CADPS: variants seen among roughly 807,000 people sequenced by gnomAD.
CADPS encodes calcium dependent secretion activator.
In CADPS, 57 loss-of-function variants were observed where a neutral mutation model predicts 167.3. The ratio of observed to expected loss-of-function variants is 0.34; its 90% confidence interval spans 0.28 to 0.42. The LOEUF (loss-of-function observed/expected upper bound fraction) is 0.42. Among genes scored for constraint, CADPS ranks in the 20% least tolerant of loss-of-function variants. The pLI is 1.00. For missense variants in CADPS, 1,414 were observed against 1,738.1 expected (o/e 0.81, Z 3.32); for synonymous variants, 676 against 635.3 (o/e 1.06, Z -0.96).
At chr3:62,546,981 TA>T (rs2076551655) in intron 11 of CADPS, among the ~76,000 whole-genome samples, 1 of 152,162 alleles carries the variant, frequency 6.6e-6, no homozygotes, top group Non-Finnish European at 1.5e-5. Flanking sequence ...CCATGGAATG[TA>T]AAATTCCTGG....
chr3:62,711,597 G>C (rs1453865129), intron 3 of CADPS, among the ~76,000 whole-genome samples: 2 of 152,212 alleles, frequency 1.3e-5, no homozygotes, highest in Non-Finnish European at 2.9e-5. Context: ...TGGCCAGCTT[G>C]GTGATTTTCC....
intron 3 of CADPS, among the ~76,000 whole-genome samples, chr3:62,688,917 G>C (rs2078579511): frequency 6.6e-6 from 1 of 151,904 alleles, no homozygotes; most frequent in Non-Finnish European, 1.5e-5. Context: ...ATGTGGGAAG[G>C]GAGGAAGAGG....
At chr3:62,541,227 T>C (rs1419924587) in intron 11 of CADPS, among the ~76,000 whole-genome samples, 1 of 152,150 alleles carries the variant, frequency 6.6e-6, no homozygotes, top group South Asian at 2.1e-4. Context: ...TAGGAAGTAG[T>C]TCCTAAGTCC....
At chr3:62,485,797 G>C (rs1264878454) in intron 21 of CADPS, among the ~76,000 whole-genome samples, 3 of 152,192 alleles carry the variant, frequency 2.0e-5, no homozygotes, top group African/African-American at 7.2e-5. Context: ...ATATGTGTCT[G>C]AATATGGACA....
chr3:62,781,141 G>C (rs982819006), intron 1 of CADPS, among the ~76,000 whole-genome samples: 1 of 152,154 alleles, frequency 6.6e-6, no homozygotes, highest in Non-Finnish European at 1.5e-5. Flanking sequence ...TCTGGGGTAA[G>C]AGGACACGTA....
At position 62,694,972 on chromosome 3, in the gene CADPS, G is replaced by A. The variant is rs6788343; in HGVS notation, c.889-32578C>T. Among the ~76,000 whole-genome samples the A allele has an allele frequency of 3.6e-4, 54 of 151,982 alleles. 1 individual carries two copies. Among genetic ancestry groups the A allele is most frequent in the Non-Finnish European group, 6.6e-4 (45 of 67,982 alleles). ...ATCAAGGGTGGAAGTGGGAAGGTCTGCTCTCACTGTTAAGACATTCACAGA... is the reference window on the plus strand; with the variant it reads ...ATCAAGGGTGGAAGTGGGAAGGTCTACTCTCACTGTTAAGACATTCACAGA... On this transcript the variant is annotated intron_variant, in intron 3 of 29. Transcript: ENST00000383710.
Position 62,492,201 on chromosome 3 carries a change from C to A in CADPS, c.2884+89G>T. The A allele has an allele frequency of 3.6e-6, 4 of 1,108,218 alleles. No individual in the cohort carries two copies. In the South Asian group the frequency reaches 5.7e-5, roughly 16 times the overall value. The allele number at this position is 1,108,218 out of a possible 1,614,324, so 68.6% of individuals were successfully genotyped here. A position where few individuals can be genotyped will look rare whatever the true frequency, so the allele number is the denominator to read the frequency against. On this transcript the variant is annotated intron_variant, in intron 20 of 29. Transcript: ENST00000383710. The stretch of plus-strand genomic sequence containing the variant: ...TAAAACCATGAAGAGCTATGTCAAG[C>A]CTGTAGTCTGCTTGGGATAAAGACA...
chr3:62,592,416 C>T (rs141915402), intron 7 of CADPS, among the ~76,000 whole-genome samples: 1 of 152,264 alleles, frequency 6.6e-6, no homozygotes, highest in Non-Finnish European at 1.5e-5. Flanking sequence ...CTGTAGGGCA[C>T]ACTCTTGTTA....
chr3:62,735,758 A>C (rs1398532589), intron 3 of CADPS, among the ~76,000 whole-genome samples: 2 of 152,164 alleles, frequency 1.3e-5, no homozygotes, highest in African/African-American at 4.8e-5. Flanking sequence ...CATCTTGCCT[A>C]TCCCTACCAC....
intron 1 of CADPS, among the ~76,000 whole-genome samples, chr3:62,861,237 C>T (rs2080743416): frequency 6.6e-6 from 1 of 152,104 alleles, no homozygotes; most frequent in African/African-American, 2.4e-5. Flanking sequence ...ATGTGGTTCA[C>T]AATGTTATGC....
At chr3:62,742,589 C>A (rs770753631) in intron 3 of CADPS, among the ~76,000 whole-genome samples, 1 of 152,140 alleles carries the variant, frequency 6.6e-6, no homozygotes, top group Non-Finnish European at 1.5e-5. Flanking sequence ...AAGATTGAAA[C>A]TGGACACCTT....
At chr3:62,606,687 G>C (rs1236521307) in intron 6 of CADPS, among the ~76,000 whole-genome samples, 1 of 152,230 alleles carries the variant, frequency 6.6e-6, no homozygotes, top group Non-Finnish European at 1.5e-5. Context: ...TTACCCATGT[G>C]ACTTTCTTCG....
chr3:62,607,165 C>T (rs1177123212), intron 6 of CADPS, among the ~76,000 whole-genome samples: 2 of 152,178 alleles, frequency 1.3e-5, no homozygotes, highest in African/African-American at 4.8e-5. Flanking sequence ...TTTTATAGCC[C>T]TTGCATATTA....
At chr3:62,636,570 AG>A (rs755736841) in intron 6 of CADPS, among the ~76,000 whole-genome samples, 2 of 152,204 alleles carry the variant, frequency 1.3e-5, no homozygotes, top group Non-Finnish European at 2.9e-5. Context: ...GTCCTCCCCG[AG>A]GGCTCACATC....
chr3:62,710,877 C>G (rs2083268604), intron 3 of CADPS, among the ~76,000 whole-genome samples: 1 of 152,164 alleles, frequency 6.6e-6, no homozygotes, highest in African/African-American at 2.4e-5. Flanking sequence ...TCGCTGCCTC[C>G]TCCCCGTGCT....
intron 12 of CADPS, chr3:62,536,184 T>C (rs2074653676): frequency 2.8e-6 from 1 of 360,378 alleles, no homozygotes; most frequent in Non-Finnish European, 5.1e-6. Flanking sequence ...CTTGGGAATA[T>C]TTCTCATGTA....
chr3:62,715,915 T>A (rs897920605), intron 3 of CADPS, among the ~76,000 whole-genome samples: 4 of 151,054 alleles, frequency 2.6e-5, no homozygotes, highest in Middle Eastern at 3.4e-3. Context: ...CTGGCTAATT[T>A]TTTGTATTTT....
At chr3:62,797,314 T>C (rs1332357754) in intron 1 of CADPS, among the ~76,000 whole-genome samples, 3 of 152,126 alleles carry the variant, frequency 2.0e-5, no homozygotes, top group Non-Finnish European at 1.5e-5. Flanking sequence ...GGTTTCCTCA[T>C]GGGTAGAGAT....
intron 3 of CADPS, among the ~76,000 whole-genome samples, chr3:62,701,354 C>T (rs2081349429): frequency 6.6e-6 from 1 of 152,016 alleles, no homozygotes; most frequent in Admixed American, 6.6e-5. Flanking sequence ...GAAAGCCACC[C>T]CACTTAAGGT....
Sources: allele counts gnomAD v4.1 joint callset (sites outside exome capture counted in the v4.1 genomes callset), GRCh38; gene constraint gnomAD v4.1.1; transcripts MANE v1.5; gene names NCBI Gene and HGNC (gene_info 2026-07-23, HGNC 2026-07-21).